SHROOM3: variants seen among roughly 807,000 people sequenced by gnomAD.
SHROOM3 encodes shroom family member 3, also known as protein Shroom3.
Under a neutral mutation model 138.6 loss-of-function variants are expected in SHROOM3, and 47 were observed. The ratio of observed to expected loss-of-function variants is 0.34; its 90% CI spans 0.27 to 0.43. The LOEUF (loss-of-function observed/expected upper bound fraction) is 0.43, where lower values mean the gene tolerates loss of function less well. SHROOM3 is among the 20% of genes least tolerant of loss of function. The pLI, the probability that SHROOM3 is intolerant of heterozygous loss-of-function variation, is 1.00. For synonymous variants in SHROOM3, 1,062 were observed against 1,063.3 expected (o/e 1.00, Z 0.02); for missense variants, 2,491 against 2,596.5 (o/e 0.96, Z 0.88).
intron 1 of SHROOM3, among the ~76,000 whole-genome samples, chr4:76,476,319 ACT>A (rs1468275819): frequency 6.6e-6 from 1 of 152,120 alleles, no homozygotes; most frequent in Non-Finnish European, 1.5e-5. Flanking sequence ...CTTTTCCTAG[ACT>A]CTCAAAGCCA....
chr4:76,773,539 A>G (rs984179448), intron 10 of SHROOM3, among the ~76,000 whole-genome samples: 8 of 152,188 alleles, frequency 5.3e-5, no homozygotes, highest in Admixed American at 3.3e-4. Flanking sequence ...ACCCAGAGCT[A>G]TAGCATCAGC....
chr4:76,537,122 A>G (rs1446222406), intron 1 of SHROOM3, among the ~76,000 whole-genome samples: 1 of 152,116 alleles, frequency 6.6e-6, no homozygotes, highest in Non-Finnish European at 1.5e-5. Flanking sequence ...CAAAAATAAT[A>G]ATAATAATGC....
chr4:76,552,102 C>T (rs890383490), intron 1 of SHROOM3, among the ~76,000 whole-genome samples: 4 of 150,278 alleles, frequency 2.7e-5, no homozygotes, highest in Admixed American at 2.0e-4. Flanking sequence ...ACCTTGTGAT[C>T]CGCCCGCCTC....
intron 3 of SHROOM3, among the ~76,000 whole-genome samples, chr4:76,727,607 C>A (rs565103911): frequency 6.6e-6 from 1 of 152,104 alleles, no homozygotes; most frequent in African/African-American, 2.4e-5. Flanking sequence ...AAGGTTGATT[C>A]GGCCGGGCAC....
intron 2 of SHROOM3, among the ~76,000 whole-genome samples, chr4:76,659,740 C>T (rs973384015): frequency 2.6e-5 from 4 of 152,144 alleles, no homozygotes; most frequent in African/African-American, 7.2e-5. Context: ...CGCCACCACA[C>T]CCAGCTAATT....
chr4:76,507,664 G>A (rs572659751), intron 1 of SHROOM3, among the ~76,000 whole-genome samples: 1 of 150,800 alleles, frequency 6.6e-6, no homozygotes, highest in African/African-American at 2.4e-5. Flanking sequence ...AGCCCCTCCC[G>A]AGTAGCTGGG....
At chr4:76,537,124 T>G (rs1732969910) in intron 1 of SHROOM3, among the ~76,000 whole-genome samples, 1 of 151,764 alleles carries the variant, frequency 6.6e-6, no homozygotes, top group African/African-American at 2.4e-5. Flanking sequence ...AAAATAATAA[T>G]AATAATGCAA....
chr4:76,502,095 A>G (rs893837861), intron 1 of SHROOM3, among the ~76,000 whole-genome samples: 2 of 152,084 alleles, frequency 1.3e-5, no homozygotes, highest in Admixed American at 6.6e-5. Flanking sequence ...TGGTGGCTTT[A>G]TAACAAGAGG....
Position 76,686,067 on chromosome 4 carries a change from A to G in SHROOM3, c.324-24089A>G, listed in dbSNP as rs570027530. On this transcript the variant is annotated intron_variant, in intron 2 of 10. Transcript: ENST00000296043. ...CTGTTGCTCACACTGGAGTGCAGTGACACAACCCTAGCTCACTGCAGCTTC... is the reference window on the plus strand; with the variant it reads ...CTGTTGCTCACACTGGAGTGCAGTGGCACAACCCTAGCTCACTGCAGCTTC... Among the ~76,000 whole-genome samples the G allele has an allele frequency of 3.3e-5, 5 of 152,264 alleles. No individual in the cohort carries two copies. In the South Asian group the frequency reaches 8.3e-4, roughly 25 times the overall value.
At chr4:76,537,942 C>G (rs1733015152) in intron 1 of SHROOM3, among the ~76,000 whole-genome samples, 1 of 152,216 alleles carries the variant, frequency 6.6e-6, no homozygotes, top group African/African-American at 2.4e-5. Flanking sequence ...GAGTCTCCCT[C>G]TGTTGCCCAG....
chr4:76,645,535 A>G (rs966976922), intron 2 of SHROOM3: 11 of 152,248 alleles, frequency 7.2e-5, no homozygotes, highest in African/African-American at 2.4e-4. Flanking sequence ...AAAAGAGCCT[A>G]TTTAAGTAGA....
At chr4:76,513,332 T>G (rs1732377626) in intron 1 of SHROOM3, among the ~76,000 whole-genome samples, 1 of 151,118 alleles carries the variant, frequency 6.6e-6, no homozygotes, top group Non-Finnish European at 1.5e-5. Flanking sequence ...AATAATATGT[T>G]TTTTTTTTTG....
chr4:76,435,931 C>T lies in SHROOM3; in HGVS notation c.-122C>T. Reference sequence around the variant, plus strand: ...TTTACGTATGGAAGAATTTGCTTCTCCAAACCTCTCTTTTGGCCATTGTGT... The same window carrying T: ...TTTACGTATGGAAGAATTTGCTTCTTCAAACCTCTCTTTTGGCCATTGTGT... On this transcript the variant is annotated 5_prime_UTR_variant, in exon 1 of 11. Coordinates refer to ENST00000296043, the MANE Select transcript of SHROOM3 (RefSeq NM_020859.4). 3 of 1,035,206 alleles carry T rather than the reference C, an allele frequency of 2.9e-6. No individual in the cohort carries two copies. The highest frequency in any genetic ancestry group is 2.8e-6 in the Non-Finnish European group (2 of 715,806). 64.1% of individuals were successfully genotyped at this position (1,035,206 alleles called of 1,614,324 possible).
chr4:76,561,619 A>T (rs1050296752), intron 2 of SHROOM3, among the ~76,000 whole-genome samples: 2 of 151,612 alleles, frequency 1.3e-5, no homozygotes, highest in East Asian at 3.9e-4. Context: ...TGGCCCCTCA[A>T]GCAGTGAAAT....
At chr4:76,746,913 T>A (rs545401574) in intron 5 of SHROOM3, among the ~76,000 whole-genome samples, 14 of 151,646 alleles carry the variant, frequency 9.2e-5, no homozygotes, top group Admixed American at 8.5e-4. Flanking sequence ...GCCTCCCGGG[T>A]TCACGCCATT....
At chr4:76,586,242 G>A in intron 2 of SHROOM3, 1 of 985,606 alleles carries the variant, frequency 1.0e-6, no homozygotes, top group African/African-American at 1.7e-5. Flanking sequence ...GGCAGCCCAG[G>A]TTCCCAGCGG....
intron 9 of SHROOM3, among the ~76,000 whole-genome samples, chr4:76,765,751 T>C (rs889957351): frequency 1.3e-5 from 2 of 152,160 alleles, no homozygotes; most frequent in African/African-American, 2.4e-5. Context: ...ACAAAAAATA[T>C]AATTAGAATG....
At chr4:76,686,117 C>T (rs1236059944) in intron 2 of SHROOM3, among the ~76,000 whole-genome samples, 1 of 152,160 alleles carries the variant, frequency 6.6e-6, no homozygotes, top group African/African-American at 2.4e-5. Flanking sequence ...AAATGATCCT[C>T]CTGCCTCAGC....
At chr4:76,502,520 G>A (rs187678707) in intron 1 of SHROOM3, among the ~76,000 whole-genome samples, 14 of 152,262 alleles carry the variant, frequency 9.2e-5, no homozygotes, top group African/African-American at 3.4e-4. Flanking sequence ...GAATTCAATT[G>A]AATTAGAGGA....
Sources: gnomAD v4.1 joint callset for allele counts (sites outside exome capture counted in the v4.1 genomes callset) on GRCh38, gnomAD v4.1.1 for gene constraint, MANE v1.5 for transcripts, NCBI Gene and HGNC (gene_info 2026-07-23, HGNC 2026-07-21) for gene names.